The following LAMC2 variants were observed in gnomAD, a reference collection of about 807,000 sequenced individuals.
LAMC2 encodes the protein laminin subunit gamma 2, also known as laminin subunit gamma-2.
LAMC2 carries 97 observed loss-of-function variants against 140.2 expected under a neutral mutation model. The observed-to-expected ratio is 0.69, with a 90% CI of 0.59 to 0.82. LAMC2 has a LOEUF of 0.82. Ranked by LOEUF, LAMC2 falls within the 40% of genes least tolerant of loss-of-function variation. The pLI is 0.00. For synonymous variants in LAMC2, 513 were observed against 540.2 expected, an observed-to-expected ratio of 0.95 and a Z score of 0.70; for missense variants, 1,402 against 1,476.1, an observed-to-expected ratio of 0.95 and a Z score of 0.82.
At chr1:183,256,106 AAAAAT>A in the LAMC2 span, among the ~76,000 whole-genome samples, 1 of 152,106 alleles carries the variant, frequency 6.6e-6, no homozygotes, top group Non-Finnish European at 1.5e-5. Context: ...GTTTTTTAAA[AAAAAT>A]AAAATAAATT....
chr1:183,245,348 C>T (rs1431367752), downstream of LAMC2, among the ~76,000 whole-genome samples: 1 of 152,214 alleles, frequency 6.6e-6, no homozygotes, highest in Non-Finnish European at 1.5e-5. Flanking sequence ...TAGGTCTGGT[C>T]ACTTTGCTTT....
the LAMC2 span, among the ~76,000 whole-genome samples, chr1:183,255,191 T>A: frequency 6.6e-6 from 1 of 152,346 alleles, no homozygotes; most frequent in East Asian, 1.9e-4. Context: ...TTTATTGTGC[T>A]TTTTTGGTAC....
At chr1:183,248,777 T>G (rs201203375), downstream of LAMC2, 6 of 152,226 alleles carry the variant, frequency 3.9e-5, no homozygotes, top group South Asian at 2.1e-4. Flanking sequence ...CCTCCTGCAG[T>G]AGGTAGCCTT....
chr1:183,239,660 G>C, intron 20 of LAMC2, 97 bp downstream of exon 20: 2 of 1,082,272 alleles, frequency 1.8e-6, no homozygotes, highest in Non-Finnish European at 2.7e-6. Flanking sequence ...AACCTCTGAG[G>C]CTCAGAGCCC....
chr1:183,210,756 C>T (rs1460170568), intron 2 of LAMC2, among the ~76,000 whole-genome samples: 2 of 152,216 alleles, frequency 1.3e-5, no homozygotes, highest in Non-Finnish European at 2.9e-5. Context: ...AACAGTCTGA[C>T]AACAATGTGT....
chr1:183,222,614 G>A (rs534865941), intron 6 of LAMC2, among the ~76,000 whole-genome samples: 1 of 151,838 alleles, frequency 6.6e-6, no homozygotes, highest in African/African-American at 2.4e-5. Context: ...TCAGTGGTAC[G>A]TGCCTTGGTG....
chr1:183,198,857 T>G (rs369751715), intron 1 of LAMC2, among the ~76,000 whole-genome samples: 4 of 152,216 alleles, frequency 2.6e-5, no homozygotes, highest in Non-Finnish European at 5.9e-5. Context: ...ATAGTTCATC[T>G]GGTATGAGCA....
rs534826207 is a variant in LAMC2 at position 183,221,639 on chromosome 1, G to A, written c.641-450G>A. ...AGCTACTCGGGAGGCTGAGGCAGGA[G>A]AATGGCGTGAACCCGGGAGGCGGAG... On this transcript the variant is annotated intron_variant, in intron 5 of 22. Transcript: ENST00000264144. Among the ~76,000 whole-genome samples the A allele has an allele frequency of 1.4e-4, 21 of 152,054 alleles. 1 individual carries two copies. In the South Asian group the frequency reaches 4.4e-3, roughly 32 times the overall value.
chr1:183,233,005 C>T, intron 14 of LAMC2, 148 bp downstream of exon 14: 1 of 761,424 alleles, frequency 1.3e-6, no homozygotes, highest in South Asian at 1.5e-5. Context: ...TTCCTTGCAA[C>T]AGTCACATCT....
rs142509506 is a variant in LAMC2 at position 183,232,718 on chromosome 1, G to A, written c.2081G>A (p.Arg694His). Residue 694 changes from arginine (R) to histidine (H), a missense_variant, in exon 14 of 23, where the codon CGC becomes CAC. By Grantham distance (29) the Arg-to-His change is conservative. Coordinates refer to ENST00000264144, the MANE Select transcript of LAMC2 (RefSeq NM_005562.3). ...AGCCAAGAGAACAGCTACCAGAGCCGCCTGGATGACCTCAAGATGACTGTG... is the reference window on the plus strand; with the variant it reads ...AGCCAAGAGAACAGCTACCAGAGCCACCTGGATGACCTCAAGATGACTGTG... ...VRSQENSYQS[R>H]LDDLKMTVER... The A allele has an allele frequency of 4.6e-5, 75 of 1,613,752 alleles. No homozygotes were observed. Among genetic ancestry groups the A allele is most frequent in the Admixed American group, 8.3e-5 (5 of 59,998 alleles).
At position 183,230,503 on chromosome 1, in the gene LAMC2, G is replaced by A. The variant is rs117346979; in HGVS notation, c.1715-458G>A. On this transcript the variant is annotated intron_variant, in intron 11 of 22. Coordinates refer to ENST00000264144, the MANE Select transcript of LAMC2 (RefSeq NM_005562.3). ...AACTGTATTTCCTACACCAAAGGCC[G>A]CAGAACAGAGGAAAGAACATTGGCT... Among the ~76,000 whole-genome samples, 116 of 152,286 alleles carry A rather than the reference G, an allele frequency of 7.6e-4. 1 individual carries two copies. The East Asian group carries it at 0.02, about 26-fold the overall frequency.
chr1:183,245,300 A>G (rs922358581), downstream of LAMC2, among the ~76,000 whole-genome samples: 7 of 152,246 alleles, frequency 4.6e-5, no homozygotes, highest in East Asian at 1.9e-4. Context: ...CGGCTGAGGA[A>G]ACAATTCTGC....
chr1:183,212,853 C>A (rs1397567067), intron 2 of LAMC2, among the ~76,000 whole-genome samples: 1 of 152,170 alleles, frequency 6.6e-6, no homozygotes, highest in Non-Finnish European at 1.5e-5. Context: ...ACTCTGGGGA[C>A]CTGAGTGTCA....
In LAMC2 at chr1:183,225,707, A is replaced by G; in HGVS notation, c.1053A>G (p.Thr351=). ...TCACAGCCCTCCGCATCCGAGCTAC[A>G]TATGGAGAATACAGTAAGTGGCTAC... ...RNLTALRIRA[T]YGEYSTGYID... is the part of the protein sequence containing the mutation. The change falls in exon 8 of 23, where the codon ACA becomes ACG. Residue 351 remains threonine (T), a synonymous_variant. Transcript: ENST00000264144. 1 of 1,605,086 alleles carries G rather than the reference A, an allele frequency of 6.2e-7. No individual in the cohort carries two copies.
At chr1:183,247,422 G>A (rs1203022543), downstream of LAMC2, among the ~76,000 whole-genome samples, 33 of 151,134 alleles carry the variant, frequency 2.2e-4, no homozygotes, top group Admixed American at 2.2e-3. Flanking sequence ...GAACAAAATA[G>A]CAAATGTAAA....
intron 1 of LAMC2, among the ~76,000 whole-genome samples, chr1:183,191,868 AG>A (rs1256316080): frequency 6.8e-6 from 1 of 146,860 alleles, no homozygotes; most frequent in African/African-American, 2.5e-5. Flanking sequence ...CAAAAAAAAA[AG>A]AGAGATCAAT....
Position 183,243,323 on chromosome 1 carries a change from G to A in LAMC2, c.3505G>A (p.Asp1169Asn). The change falls in exon 23 of 23, where the codon GAT (aspartate) becomes AAT (asparagine). Residue 1169 changes from aspartate (D) to asparagine (N), a missense_variant. Physicochemically the swap from Asp to Asn is conservative, Grantham distance 23. This residue lies in a region of LAMC2 where 670 missense variants were observed against 667.2 expected (regional missense o/e 1.00). Transcript: ENST00000264144. ...GACAAGCATAGATGGGATTCTGGCTGATGTGAAGAACTTGGAGAACATTAG... is the reference window on the plus strand; with the variant it reads ...GACAAGCATAGATGGGATTCTGGCTAATGTGAAGAACTTGGAGAACATTAG... ...LETSIDGILA[D>N]VKNLENIRDN... is the part of the protein sequence containing the mutation. The A allele has an allele frequency of 1.2e-6, 2 of 1,614,194 alleles. No homozygotes were observed. The highest frequency in any genetic ancestry group is 1.3e-5 in the African/African-American group (1 of 75,048).
In LAMC2 at chr1:183,227,667, G is replaced by C; in HGVS notation, c.1438G>C (p.Val480Leu). 1 of 1,614,206 alleles carries C rather than the reference G, an allele frequency of 6.2e-7. No homozygotes were observed. The highest frequency in any genetic ancestry group is 8.5e-7 in the Non-Finnish European group (1 of 1,180,044). ...CSVMPETEEV[V>L]CNNCPPGVTG... ...AGTGATGCCGGAGACGGAGGAGGTGGTGTGCAATAACTGCCCTCCCGGGGT... is the reference window on the plus strand; with the variant it reads ...AGTGATGCCGGAGACGGAGGAGGTGCTGTGCAATAACTGCCCTCCCGGGGT... The change falls in exon 10 of 23, where the codon GTG becomes CTG. Residue 480 changes from valine (V) to leucine (L), a missense_variant. Transcript: ENST00000264144.
intron 4 of LAMC2, among the ~76,000 whole-genome samples, chr1:183,220,480 C>T (rs771621112): frequency 4.3e-4 from 66 of 152,224 alleles, no homozygotes; most frequent in Non-Finnish European, 8.1e-4. Context: ...GACAGGGCAG[C>T]ATTGCATAGC....
Sources: allele counts gnomAD v4.1 joint callset (sites outside exome capture counted in the v4.1 genomes callset), GRCh38; gene constraint gnomAD v4.1.1; regional missense constraint gnomAD v4.1.1; transcripts MANE v1.5; gene names NCBI Gene and HGNC (gene_info 2026-07-23, HGNC 2026-07-21).